BEND3: variants seen among roughly 807,000 people sequenced by gnomAD.
BEND3 encodes BEN domain containing 3.
BEND3 carries 13 observed loss-of-function variants against 60.1 expected under a neutral mutation model. The ratio of observed to expected loss-of-function variants is 0.22; its 90% CI spans 0.14 to 0.34. The LOEUF is 0.34. BEND3 is among the 10% of genes least tolerant of loss of function. BEND3 has a pLI of 1.00. For missense variants in BEND3, 896 were observed against 1,138.1 expected (o/e 0.79, Z 3.06); for synonymous variants, 497 against 491.5 (o/e 1.01, Z -0.15).
chr6:107,074,999 G>A (rs1775069938), intron 3 of BEND3, among the ~76,000 whole-genome samples: 1 of 152,056 alleles, frequency 6.6e-6, no homozygotes, highest in Non-Finnish European at 1.5e-5. Context: ...TACTCAGGAG[G>A]CTAAGGCAGG....
chr6:107,094,619 C>T (rs1775544078), intron 3 of BEND3, among the ~76,000 whole-genome samples: 1 of 129,808 alleles, frequency 7.7e-6, no homozygotes, highest in Non-Finnish European at 1.6e-5. Context: ...AAAACTCCAT[C>T]TCATAAATAA....
At chr6:107,111,089 C>T (rs148165550) in intron 1 of BEND3, among the ~76,000 whole-genome samples, 202 of 152,108 alleles carry the variant, frequency 1.3e-3, no homozygotes, top group African/African-American at 4.7e-3. Flanking sequence ...CGCTTGAGCC[C>T]GGGAGTCAGT....
At chr6:107,099,605 C>A (rs1775663471) in intron 1 of BEND3, among the ~76,000 whole-genome samples, 1 of 152,126 alleles carries the variant, frequency 6.6e-6, no homozygotes, top group Admixed American at 6.6e-5. Flanking sequence ...TAAAAAAGAC[C>A]CCAATTTTAA....
chr6:107,110,984 TG>T (rs1294114429), intron 1 of BEND3, among the ~76,000 whole-genome samples: 1 of 151,632 alleles, frequency 6.6e-6, no homozygotes, highest in East Asian at 2.0e-4. Flanking sequence ...GCCAACATGG[TG>T]AAACCCCGTA....
intron 1 of BEND3, among the ~76,000 whole-genome samples, chr6:107,109,202 C>T (rs1775885892): frequency 6.6e-6 from 1 of 151,714 alleles, no homozygotes; most frequent in African/African-American, 2.4e-5. Flanking sequence ...GTAATCCCAT[C>T]ACTTTGGGAG....
intron 3 of BEND3, among the ~76,000 whole-genome samples, chr6:107,077,761 T>C (rs1467500288): frequency 4.6e-5 from 7 of 152,164 alleles, no homozygotes; most frequent in Non-Finnish European, 8.8e-5. Context: ...CTGAGCCTCA[T>C]TAAAATGGGA....
Position 107,069,605 on chromosome 6 carries a change from ATCT to A in BEND3, c.1583_1585del (p.Lys528del), listed in dbSNP as rs781879903. 5.6e-6 allele frequency: 9 copies of A among 1,612,442 alleles called. No individual in the cohort carries two copies. Among genetic ancestry groups the A allele is most frequent in the South Asian group, 1.1e-5 (1 of 91,084 alleles). On this transcript the variant is annotated inframe_deletion, in exon 4 of 4. Transcript: ENST00000369042. Reference sequence around the variant, plus strand: ...GTCGAAGTCGATGGGCACCAGCCAGATCTTCTTGGAGCGGCGACCCGGCCGCTC... The same window carrying A: ...GTCGAAGTCGATGGGCACCAGCCAGATCTTGGAGCGGCGACCCGGCCGCTC...
rs532658889 is a variant in BEND3, at chr6:107,104,120, TA to T, written c.-11-4825del. Among the ~76,000 whole-genome samples the T allele has an allele frequency of 6.2e-3, 928 of 149,328 alleles. 16 individuals are homozygous for T. Among genetic ancestry groups the T allele is most frequent in the African/African-American group, 0.022 (907 of 40,638 alleles). ...TAACACGGTGAAACCCCATCTCTAC[TA>T]AAAAAAATACAAAAAAAAATTAGCC... On this transcript the variant is annotated intron_variant, in intron 1 of 3. Coordinates refer to ENST00000369042, the MANE Select transcript of BEND3 (RefSeq NM_001367314.1).
In BEND3 at chr6:107,115,085, C is replaced by G. The variant is rs1770236814; in HGVS notation, c.-12+5G>C. The G allele has an allele frequency of 6.7e-6, 1 of 149,824 alleles. No individual in the cohort carries two copies. The allele number at this position is 149,824 out of a possible 1,614,324, so 9.3% of individuals were successfully genotyped here. A position where few individuals can be genotyped will look rare whatever the true frequency, so the allele number is the denominator to read the frequency against. ...CGCGGCCGGCTTGATCCGCCCCGCA[C>G]TTACCTGGGACGCGAGTTCTGTACT... is the stretch of plus-strand genomic sequence containing the variant. On this transcript the variant is annotated splice_donor_5th_base_variant and intron_variant, in intron 1 of 3. Transcript: ENST00000369042.
intron 1 of BEND3, among the ~76,000 whole-genome samples, chr6:107,105,059 T>A (rs1372987048): frequency 4.0e-5 from 6 of 151,812 alleles, no homozygotes; most frequent in African/African-American, 1.5e-4. Context: ...TCAGCAAGCA[T>A]GAAAGGATAT....
At chr6:107,088,011 T>G (rs1244404804) in intron 3 of BEND3, among the ~76,000 whole-genome samples, 3 of 150,208 alleles carry the variant, frequency 2.0e-5, no homozygotes, top group African/African-American at 7.3e-5. Context: ...AGAGCCCTTT[T>G]TTTTTTTTTT....
In BEND3 at chr6:107,070,020, C is replaced by CGTG. The variant is rs1774933393; in HGVS notation, c.1168_1170dup (p.His390dup). The CGTG allele has an allele frequency of 6.2e-7, 1 of 1,613,636 alleles. No individual in the cohort carries two copies. Among genetic ancestry groups the CGTG allele is most frequent in the Non-Finnish European group, 8.5e-7 (1 of 1,180,024 alleles). On this transcript the variant is annotated inframe_insertion, in exon 4 of 4. Transcript: ENST00000369042. This position sits in a 1 kb window ranked among gnomAD's most constrained non-coding sequence, Gnocchi z 6.9. ...TCAGTGAGGTCCTGCGTGTCCACCACGTGGTCTGAGGCGATGGTGCTGCTC... is the reference window on the plus strand; with the variant it reads ...TCAGTGAGGTCCTGCGTGTCCACCACGTGGTGGTCTGAGGCGATGGTGCTGCTC...
At chr6:107,102,248 A>G (rs1432178523) in intron 1 of BEND3, among the ~76,000 whole-genome samples, 2 of 152,208 alleles carry the variant, frequency 1.3e-5, no homozygotes, top group South Asian at 2.1e-4. Context: ...GGAGCAGTGC[A>G]GGGCTGGAGT....
intron 2 of BEND3, 89 bp downstream of exon 2, chr6:107,099,160 C>T: frequency 9.0e-7 from 1 of 1,116,690 alleles, no homozygotes; most frequent in Non-Finnish European, 1.4e-6. Context: ...CACTATATAA[C>T]TTTGTATATT....
chr6:107,087,687 AG>A (rs1775381682), intron 3 of BEND3, among the ~76,000 whole-genome samples: 2 of 151,354 alleles, frequency 1.3e-5, no homozygotes, highest in South Asian at 4.2e-4. Context: ...CAGTGAGCTG[AG>A]ATTGTGCCAC....
In BEND3 at chr6:107,068,636, G is replaced by A; in HGVS notation, c.*68C>T. ...TGCCATAGGCGTGCTCCCAAGTATT[G>A]CTCAGTCCCAAGGGTGCCCATCGCT... On this transcript the variant is annotated 3_prime_UTR_variant, in exon 4 of 4. Coordinates refer to ENST00000369042, the MANE Select transcript of BEND3 (RefSeq NM_001367314.1). This position sits in a 1 kb window ranked among gnomAD's most constrained non-coding sequence, Gnocchi z 5.8. 2 of 1,534,408 alleles carry A rather than the reference G, an allele frequency of 1.3e-6. No individual in the cohort carries two copies.
chr6:107,112,809 G>A (rs1770140598), intron 1 of BEND3, among the ~76,000 whole-genome samples: 1 of 142,180 alleles, frequency 7.0e-6, no homozygotes. Flanking sequence ...GCCAAGATCA[G>A]ACCATTGCAA....
intron 1 of BEND3, among the ~76,000 whole-genome samples, chr6:107,103,727 T>A (rs1182759259): frequency 6.6e-6 from 1 of 151,968 alleles, no homozygotes; most frequent in African/African-American, 2.4e-5. Flanking sequence ...GGCGGGCGGA[T>A]CACCTGAGGA....
chr6:107,089,637 C>T (rs1261683449), intron 3 of BEND3, among the ~76,000 whole-genome samples: 2 of 149,424 alleles, frequency 1.3e-5, no homozygotes, highest in African/African-American at 4.9e-5. Context: ...CTCTGTCACC[C>T]AGGCTAAAGC....
Sources: gnomAD v4.1 joint callset for allele counts (sites outside exome capture counted in the v4.1 genomes callset) on GRCh38, gnomAD v4.1.1 for gene constraint, Gnocchi (gnomAD v3.1) non-coding constraint, MANE v1.5 for transcripts, NCBI Gene and HGNC (gene_info 2026-07-23, HGNC 2026-07-21) for gene names.